Variants in PTPRD observed in about 807,000 individuals in gnomAD.
The protein encoded by PTPRD is receptor-type tyrosine-protein phosphatase delta.
In PTPRD, 34 loss-of-function variants were observed where a neutral mutation model predicts 214.5. The ratio of observed to expected loss-of-function variants is 0.16; its 90% confidence interval spans 0.12 to 0.21. PTPRD has a LOEUF of 0.21. Ranked by LOEUF, PTPRD falls within the 10% of genes least tolerant of loss-of-function variation. PTPRD has a pLI of 1.00. For missense variants in PTPRD, 2,545 were observed against 2,398.7 expected (o/e 1.06, Z -1.27); for synonymous variants, 1,128 against 845.7 (o/e 1.33, Z -5.79).
intron 9 of PTPRD, among the ~76,000 whole-genome samples, chr9:9,207,993 G>C (rs991662395): frequency 8.6e-6 from 1 of 116,952 alleles, no homozygotes; most frequent in South Asian, 2.9e-4. Flanking sequence ...TAAGAAAAAA[G>C]GTGGTATGGC....
chr9:9,295,053 T>C (rs1952530614), intron 9 of PTPRD, among the ~76,000 whole-genome samples: 1 of 151,760 alleles, frequency 6.6e-6, no homozygotes, highest in Non-Finnish European at 1.5e-5. Flanking sequence ...TTTAAAATTA[T>C]CTTAACCCAA....
intron 10 of PTPRD, among the ~76,000 whole-genome samples, chr9:9,176,965 T>C (rs1321066826): frequency 1.3e-5 from 2 of 152,170 alleles, no homozygotes; most frequent in Non-Finnish European, 1.5e-5. Flanking sequence ...AGTATCTATC[T>C]ATCTATCTTA....
At chr9:8,375,558 G>A (rs2082988114) in intron 39 of PTPRD, among the ~76,000 whole-genome samples, 1 of 151,958 alleles carries the variant, frequency 6.6e-6, no homozygotes, top group Non-Finnish European at 1.5e-5. Context: ...CCTATAAATA[G>A]TAAAAAGGTT....
chr9:8,554,730 C>T (rs75275007), intron 14 of PTPRD, among the ~76,000 whole-genome samples: 2 of 152,156 alleles, frequency 1.3e-5, no homozygotes, highest in East Asian at 1.9e-4. Flanking sequence ...CTGTCCAACA[C>T]GTTTGTTTAT....
chr9:9,501,857 G>A (rs934999169), intron 8 of PTPRD, among the ~76,000 whole-genome samples: 10 of 151,862 alleles, frequency 6.6e-5, no homozygotes, highest in South Asian at 4.1e-4. Flanking sequence ...TATAGTAAAC[G>A]GAAAAATATT....
At chr9:9,002,315 C>T (rs774266963) in intron 11 of PTPRD, among the ~76,000 whole-genome samples, 18 of 151,774 alleles carry the variant, frequency 1.2e-4, no homozygotes, top group East Asian at 1.9e-4. Context: ...AGAAATGCAA[C>T]GTACAAATTA....
chr9:9,831,857 T>A (rs940944475), intron 5 of PTPRD, among the ~76,000 whole-genome samples: 1 of 152,044 alleles, frequency 6.6e-6, no homozygotes, highest in Non-Finnish European at 1.5e-5. Context: ...TGCCAGAGTT[T>A]CTATATTCTT....
At chr9:8,852,009 T>A (rs901183415) in intron 11 of PTPRD, among the ~76,000 whole-genome samples, 15 of 152,022 alleles carry the variant, frequency 9.9e-5, no homozygotes, top group African/African-American at 3.1e-4. Flanking sequence ...TATGAAATCA[T>A]TACTAATACA....
At chr9:9,995,675 G>A (rs1339299897) in intron 4 of PTPRD, among the ~76,000 whole-genome samples, 6 of 152,240 alleles carry the variant, frequency 3.9e-5, no homozygotes, top group East Asian at 3.9e-4. Context: ...CTGTTTCCAC[G>A]TCTGAATGAT....
chr9:8,335,052 T>A (rs62533967), intron 43 of PTPRD, among the ~76,000 whole-genome samples: 2 of 144,980 alleles, frequency 1.4e-5, no homozygotes, highest in Admixed American at 1.4e-4. Context: ...CAGGACCAGA[T>A]GAATTCTACC....
At chr9:9,755,183 C>T (rs1487485944) in intron 6 of PTPRD, among the ~76,000 whole-genome samples, 1 of 151,782 alleles carries the variant, frequency 6.6e-6, no homozygotes, top group Non-Finnish European at 1.5e-5. Context: ...GTTCAGGAGG[C>T]AAATGAAAAG....
chr9:10,202,331 G>A (rs879401147), intron 3 of PTPRD, among the ~76,000 whole-genome samples: 2 of 151,766 alleles, frequency 1.3e-5, no homozygotes, highest in African/African-American at 2.4e-5. Context: ...TTCAAACAGA[G>A]GCTACTGACC....
chr9:10,238,013 G>A (rs1426549640), intron 3 of PTPRD, among the ~76,000 whole-genome samples: 2 of 147,572 alleles, frequency 1.4e-5, no homozygotes, highest in African/African-American at 4.9e-5. Context: ...TGCAGCTACA[G>A]GGCCGAGTTC....
At chr9:8,326,931 G>C (rs900873164) in intron 44 of PTPRD, among the ~76,000 whole-genome samples, 4 of 147,052 alleles carry the variant, frequency 2.7e-5, no homozygotes, top group African/African-American at 4.9e-5. Flanking sequence ...TATTGTGTCT[G>C]TTTGAGTCTT....
intron 8 of PTPRD, among the ~76,000 whole-genome samples, chr9:9,417,485 G>A (rs10977737): frequency 6.6e-6 from 1 of 152,052 alleles, no homozygotes; most frequent in Non-Finnish European, 1.5e-5. Context: ...TCCTTGCTAA[G>A]GAGGGGACAA....
intron 4 of PTPRD, among the ~76,000 whole-genome samples, chr9:9,994,741 A>G (rs1217675904): frequency 6.6e-6 from 1 of 152,206 alleles, no homozygotes; most frequent in East Asian, 1.9e-4. Flanking sequence ...ACAAATGTTT[A>G]GCTAAAATAT....
chr9:8,648,296 ACCTACATTCTGTGTG>A (rs1177546668), intron 12 of PTPRD, among the ~76,000 whole-genome samples: 1 of 152,134 alleles, frequency 6.6e-6, no homozygotes, highest in Non-Finnish European at 1.5e-5. Flanking sequence ...AAAAACAATC[ACCTACATTCTGTGTG>A]CCCGGGCAAT....
intron 8 of PTPRD, among the ~76,000 whole-genome samples, chr9:9,453,190 G>A (rs557431372): frequency 1.5e-4 from 22 of 151,302 alleles, no homozygotes; most frequent in East Asian, 9.7e-4. Context: ...ATGTTATGCC[G>A]GACATATTTG....
chr9:9,441,235 G>A (rs950051012), intron 8 of PTPRD, among the ~76,000 whole-genome samples: 1 of 152,166 alleles, frequency 6.6e-6, no homozygotes, highest in Non-Finnish European at 1.5e-5. Flanking sequence ...TCGAAGCGGT[G>A]TGGGAGGCAT....
Sources: allele counts gnomAD v4.1 joint callset (sites outside exome capture counted in the v4.1 genomes callset), GRCh38; gene constraint gnomAD v4.1.1; transcripts MANE v1.5; gene names NCBI Gene and HGNC (gene_info 2026-07-23, HGNC 2026-07-21).